The following ACTR3C variants were observed in gnomAD, a reference collection of about 807,000 sequenced individuals.
ACTR3C encodes the protein actin related protein 3C.
In ACTR3C, 18 loss-of-function variants were observed where a neutral mutation model predicts 26.3. The observed-to-expected ratio is 0.68, with a 90% confidence interval of 0.47 to 1.01. ACTR3C has a LOEUF of 1.01. Among genes scored for constraint, ACTR3C ranks in the 50% least tolerant of loss-of-function variants. The pLI is 0.00. For missense variants in ACTR3C, 184 were observed against 250.7 expected (o/e 0.73, Z 1.80); for synonymous variants, 55 against 94.5 (o/e 0.58, Z 2.42).
chr7:150,086,547 A>T, the ACTR3C span, among the ~76,000 whole-genome samples: 10 of 152,050 alleles, frequency 6.6e-5, no homozygotes, highest in Non-Finnish European at 1.2e-4. Flanking sequence ...CAAACACATT[A>T]AGTCAGCTTC....
chr7:150,041,750 A>C, the ACTR3C span, among the ~76,000 whole-genome samples: 4 of 34,048 alleles, frequency 1.2e-4, no homozygotes, highest in Non-Finnish European at 1.9e-4. Context: ...CCTAAGAGCC[A>C]GGGGGGGGAA....
chr7:149,905,967 C>T, the ACTR3C span, among the ~76,000 whole-genome samples: 17 of 152,064 alleles, frequency 1.1e-4, no homozygotes, highest in South Asian at 1.0e-3. Flanking sequence ...CTAGCAGATA[C>T]GCATAAGGAA....
At chr7:150,167,469 G>A in the ACTR3C span, among the ~76,000 whole-genome samples, 1 of 150,832 alleles carries the variant, frequency 6.6e-6, no homozygotes, top group Non-Finnish European at 1.5e-5. Flanking sequence ...TGGGATAATA[G>A]AATGCGACAG....
chr7:150,156,668 A>G, the ACTR3C span, among the ~76,000 whole-genome samples: 1 of 152,296 alleles, frequency 6.6e-6, no homozygotes, highest in East Asian at 1.9e-4. Context: ...AGATCATTCA[A>G]TTTAAATTTC....
intron 6 of ACTR3C, among the ~76,000 whole-genome samples, chr7:150,263,410 G>A (rs1373987431): frequency 6.6e-6 from 1 of 151,674 alleles, no homozygotes; most frequent in African/African-American, 2.4e-5. Flanking sequence ...GAGAATTGTT[G>A]GCCTGGAAAA....
At chr7:150,024,144 G>A in the ACTR3C span, among the ~76,000 whole-genome samples, 1 of 150,828 alleles carries the variant, frequency 6.6e-6, no homozygotes, top group Admixed American at 6.6e-5. Context: ...CAGAGAGGCC[G>A]CCCAGGGCAC....
the ACTR3C span, among the ~76,000 whole-genome samples, chr7:150,160,046 C>G: frequency 6.6e-6 from 1 of 152,162 alleles, no homozygotes; most frequent in Non-Finnish European, 1.5e-5. Context: ...GTGCCCGCCT[C>G]AGCCTCCCAA....
the ACTR3C span, among the ~76,000 whole-genome samples, chr7:150,212,157 C>T: frequency 1.4e-5 from 2 of 146,610 alleles, no homozygotes; most frequent in South Asian, 4.2e-4. Context: ...ATCCATATTG[C>T]TGAGACTGTA....
At position 150,269,144 on chromosome 7, in the gene ACTR3C, G is replaced by A. The variant is rs866262932; in HGVS notation, c.564+15609C>T. ...CAGCAGAAGTTTCAGGGGACAAGGGGGACCTGCCAGAGCGAGAGTGGAGGG... is the reference window on the plus strand; with the variant it reads ...CAGCAGAAGTTTCAGGGGACAAGGGAGACCTGCCAGAGCGAGAGTGGAGGG... On this transcript the variant is annotated intron_variant, in intron 6 of 7. Transcript: ENST00000683684. 8.2e-4 allele frequency among the ~76,000 whole-genome samples: 45 copies of A among 54,814 alleles called. 1 individual carries two copies. Among genetic ancestry groups the A allele is most frequent in the African/African-American group, 4.5e-3 (45 of 9,944 alleles). 36.0% of individuals were successfully genotyped at this position (54,814 alleles called of 152,430 possible). A position where few individuals can be genotyped will look rare whatever the true frequency, so the allele number is the denominator to read the frequency against.
chr7:150,159,882 GC>G, the ACTR3C span, among the ~76,000 whole-genome samples: 1 of 151,994 alleles, frequency 6.6e-6, no homozygotes, highest in Non-Finnish European at 1.5e-5. Flanking sequence ...TCGGCTCACC[GC>G]AACCTCCACC....
the ACTR3C span, among the ~76,000 whole-genome samples, chr7:149,967,159 C>G: frequency 6.6e-6 from 1 of 151,652 alleles, no homozygotes; most frequent in Non-Finnish European, 1.5e-5. Context: ...CTCAGCCTCC[C>G]TAGTAGCTGG....
At chr7:150,273,028 A>G (rs1834572550) in intron 6 of ACTR3C, among the ~76,000 whole-genome samples, 1 of 142,270 alleles carries the variant, frequency 7.0e-6, no homozygotes, top group Admixed American at 6.7e-5. Context: ...AGGAAGAGTA[A>G]GTAAACATTT....
At chr7:150,127,306 AC>A in the ACTR3C span, among the ~76,000 whole-genome samples, 1 of 147,874 alleles carries the variant, frequency 6.8e-6, no homozygotes, top group Non-Finnish European at 1.5e-5. Context: ...GAGTTAGCTT[AC>A]CATAATAGGA....
chr7:150,273,966 C>A (rs2129611207), intron 6 of ACTR3C, among the ~76,000 whole-genome samples: 1 of 152,328 alleles, frequency 6.6e-6, no homozygotes, highest in South Asian at 2.1e-4. Flanking sequence ...GAGCACCTCG[C>A]ATGGGCCAGG....
At chr7:150,177,690 C>A in the ACTR3C span, among the ~76,000 whole-genome samples, 1 of 150,728 alleles carries the variant, frequency 6.6e-6, no homozygotes, top group African/African-American at 2.5e-5. Flanking sequence ...TCCAGCTGTG[C>A]CTGTACATTT....
the ACTR3C span, among the ~76,000 whole-genome samples, chr7:150,003,670 T>C: frequency 1.3e-5 from 2 of 151,942 alleles, no homozygotes; most frequent in African/African-American, 4.8e-5. Flanking sequence ...GTGTGGTATA[T>C]AGTGCAGTGT....
the ACTR3C span, among the ~76,000 whole-genome samples, chr7:149,958,619 A>C: frequency 1.1e-4 from 17 of 152,250 alleles, no homozygotes; most frequent in Non-Finnish European, 2.4e-4. Context: ...AAATAGTACT[A>C]GTTCCTTCTG....
chr7:150,170,900 G>T, the ACTR3C span, among the ~76,000 whole-genome samples: 1 of 141,438 alleles, frequency 7.1e-6, no homozygotes, highest in South Asian at 2.3e-4. Flanking sequence ...ATTTCACAAT[G>T]ATATAGGTGT....
the ACTR3C span, among the ~76,000 whole-genome samples, chr7:150,019,602 T>TAAAAATAAA: frequency 6.5e-5 from 2 of 30,774 alleles, no homozygotes; most frequent in Non-Finnish European, 1.4e-4. Flanking sequence ...AAAATAAAAA[T>TAAAAATAAA]AATAATAATA....
Sources: allele counts gnomAD v4.1 joint callset (sites outside exome capture counted in the v4.1 genomes callset), GRCh38; gene constraint gnomAD v4.1.1; transcripts MANE v1.5; gene names NCBI Gene and HGNC (gene_info 2026-07-23, HGNC 2026-07-21).